The following DLGAP1 variants were observed in gnomAD, a reference collection of about 807,000 sequenced individuals.
The protein encoded by DLGAP1 is DLG associated protein 1, also known as disks large-associated protein 1.
DLGAP1 carries 11 observed loss-of-function variants against 90.8 expected under a neutral mutation model. That is an observed-to-expected ratio of 0.12 (90% CI 0.08 to 0.20). The LOEUF (loss-of-function observed/expected upper bound fraction) is 0.20. DLGAP1 is among the 10% of genes least tolerant of loss of function. The pLI is 1.00. For missense variants in DLGAP1, 1,050 were observed against 1,333.8 expected (o/e 0.79, Z 3.31); for synonymous variants, 558 against 540.7 (o/e 1.03, Z -0.44).
At chr18:3,993,983 G>T (rs558938427) in intron 3 of DLGAP1, among the ~76,000 whole-genome samples, 33 of 152,306 alleles carry the variant, frequency 2.2e-4, no homozygotes, top group African/African-American at 7.7e-4. Flanking sequence ...TTTTCCTTTT[G>T]GTTTGGTAAG....
Position 3,642,053 on chromosome 18 carries a change from T to C in DLGAP1, c.1592-59805A>G, listed in dbSNP as rs574448128. ...ACAGTGTTTCATAGACCAGTGCCTG[T>C]CACTGTGGACACACGTGCTAAATTA... On this transcript the variant is annotated intron_variant, in intron 7 of 12. Transcript: ENST00000315677. Among the ~76,000 whole-genome samples, 12 of 152,332 alleles carry C rather than the reference T, an allele frequency of 7.9e-5. No homozygotes were observed. The South Asian group carries it at 1.2e-3, about 16-fold the overall frequency.
intron 1 of DLGAP1, among the ~76,000 whole-genome samples, chr18:4,238,864 A>T (rs775856571): frequency 5.9e-5 from 9 of 152,212 alleles, no homozygotes; most frequent in Non-Finnish European, 1.3e-4. Context: ...AATAAGGTGA[A>T]TTTGAAAAAT....
intron 5 of DLGAP1, among the ~76,000 whole-genome samples, chr18:3,790,147 A>T (rs2065659250): frequency 6.6e-6 from 1 of 152,212 alleles, no homozygotes. Context: ...AAATTTTAGA[A>T]TGACCTTCTT....
At chr18:4,219,788 A>C (rs181208286) in intron 1 of DLGAP1, among the ~76,000 whole-genome samples, 4 of 152,204 alleles carry the variant, frequency 2.6e-5, no homozygotes, top group Admixed American at 2.6e-4. Flanking sequence ...TGAATTGACT[A>C]TAAATGGCTG....
chr18:4,189,985 C>T (rs2077366767), intron 1 of DLGAP1, among the ~76,000 whole-genome samples: 1 of 152,064 alleles, frequency 6.6e-6, no homozygotes, highest in South Asian at 2.1e-4. Context: ...GACAGCCTAG[C>T]AGTTTTATGC....
intron 7 of DLGAP1, among the ~76,000 whole-genome samples, chr18:3,676,729 C>CACAA (rs1170540444): frequency 2.4e-4 from 36 of 151,708 alleles, no homozygotes; most frequent in African/African-American, 7.3e-4. Flanking sequence ...GGTCAGTATA[C>CACAA]ACAAACAAAC....
At chr18:3,683,206 G>A (rs986423278) in intron 7 of DLGAP1, among the ~76,000 whole-genome samples, 1 of 152,154 alleles carries the variant, frequency 6.6e-6, no homozygotes, top group African/African-American at 2.4e-5. Context: ...GTTTCCTACT[G>A]AGTGCTCTTA....
At chr18:3,989,675 C>T (rs2073920977) in intron 3 of DLGAP1, among the ~76,000 whole-genome samples, 1 of 152,164 alleles carries the variant, frequency 6.6e-6, no homozygotes, top group Admixed American at 6.5e-5. Context: ...GCAAAAGAAA[C>T]CACCATCAGA....
intron 3 of DLGAP1, chr18:3,986,247 T>C (rs1314018694): frequency 6.6e-6 from 1 of 152,208 alleles, no homozygotes; most frequent in Non-Finnish European, 1.5e-5. Context: ...TTTTAATAAG[T>C]GTAAGCAAAT....
chr18:4,025,547 A>T (rs894339992), intron 2 of DLGAP1, among the ~76,000 whole-genome samples: 4 of 152,108 alleles, frequency 2.6e-5, no homozygotes, highest in Non-Finnish European at 5.9e-5. Context: ...TGATTGGCCC[A>T]CGGTCATGCA....
chr18:3,573,272 C>T (rs550762942), intron 8 of DLGAP1, among the ~76,000 whole-genome samples: 29 of 152,208 alleles, frequency 1.9e-4, no homozygotes, highest in African/African-American at 6.5e-4. Flanking sequence ...GAAGCCGAGA[C>T]GGGCAGATCA....
chr18:3,552,955 A>T (rs1403597912), intron 9 of DLGAP1, among the ~76,000 whole-genome samples: 1 of 104,916 alleles, frequency 9.5e-6, no homozygotes, highest in Non-Finnish European at 2.3e-5. Flanking sequence ...CTAGCTTGCT[A>T]AATTTTGCTG....
In DLGAP1 at chr18:3,879,862, G is replaced by A; in HGVS notation, c.207C>T (p.Thr69=). The change falls in exon 4 of 13, where the codon ACC becomes ACT. Residue 69 remains threonine (T), a synonymous_variant. Transcript: ENST00000315677. The surrounding 1 kb of genome is among the most constrained non-coding windows in gnomAD (Gnocchi z 6.6). ...GCGAGGTGTAGTGCCTGCGGGGGAA[G>A]GTGCTGCTGGCCAGCGGGTCGCTGA... is the stretch of plus-strand genomic sequence containing the variant. ...GPFSDPLASS[T]FPRRHYTSQQ... is the part of the protein sequence containing the mutation. The A allele has an allele frequency of 6.2e-7, 1 of 1,610,512 alleles. No individual in the cohort carries two copies. Among genetic ancestry groups the A allele is most frequent in the Non-Finnish European group, 8.5e-7 (1 of 1,179,548 alleles).
intron 4 of DLGAP1, among the ~76,000 whole-genome samples, chr18:3,854,049 C>T (rs1201840682): frequency 1.3e-5 from 2 of 152,094 alleles, no homozygotes; most frequent in East Asian, 1.9e-4. Context: ...CTATTATCTT[C>T]TTTATGTTCT....
At chr18:3,537,489 T>C (rs560112216) in intron 9 of DLGAP1, among the ~76,000 whole-genome samples, 1 of 152,370 alleles carries the variant, frequency 6.6e-6, no homozygotes, top group South Asian at 2.1e-4. Flanking sequence ...GTATTTACCA[T>C]ATTTTGCTTA....
intron 1 of DLGAP1, among the ~76,000 whole-genome samples, chr18:4,356,165 G>T (rs933160650): frequency 1.3e-5 from 2 of 151,294 alleles, no homozygotes; most frequent in African/African-American, 2.4e-5. Flanking sequence ...GGACTCTCCC[G>T]ATTTTTTTTT....
chr18:3,511,065 C>A (rs1159953507), intron 10 of DLGAP1, among the ~76,000 whole-genome samples: 3 of 152,160 alleles, frequency 2.0e-5, no homozygotes, highest in Admixed American at 2.0e-4. Context: ...ATGGAAATTC[C>A]CTACTGGCTC....
chr18:3,855,903 G>A (rs1262452845), intron 4 of DLGAP1, among the ~76,000 whole-genome samples: 3 of 152,126 alleles, frequency 2.0e-5, no homozygotes, highest in East Asian at 1.9e-4. Flanking sequence ...GAGCCACCAC[G>A]CCTGGCCAAA....
intron 1 of DLGAP1, among the ~76,000 whole-genome samples, chr18:4,422,007 C>T (rs539048801): frequency 6.6e-6 from 1 of 152,244 alleles, no homozygotes; most frequent in East Asian, 1.9e-4. Context: ...AGCCACCATG[C>T]CTGGCCTGCA....
Sources: gnomAD v4.1 joint callset for allele counts (sites outside exome capture counted in the v4.1 genomes callset) on GRCh38, gnomAD v4.1.1 for gene constraint, Gnocchi (gnomAD v3.1) non-coding constraint, MANE v1.5 for transcripts, NCBI Gene and HGNC (gene_info 2026-07-23, HGNC 2026-07-21) for gene names.